The following TAFA2 variants were observed in gnomAD, a reference collection of about 807,000 sequenced individuals.
TAFA2 encodes the protein chemokine-like protein TAFA-2.
In TAFA2, 7 loss-of-function variants were observed where a neutral mutation model predicts 18.8. The ratio of observed to expected loss-of-function variants is 0.37; its 90% CI spans 0.21 to 0.70. The LOEUF is 0.70. Among genes scored for constraint, TAFA2 ranks in the 30% least tolerant of loss-of-function variants. The probability of loss-of-function intolerance (pLI) is 0.53; values close to 1 mark genes in which losing one functional copy is unlikely to be tolerated. For missense variants in TAFA2, 122 were observed against 158.1 expected (o/e 0.77, Z 1.23); for synonymous variants, 60 against 54.2 (o/e 1.11, Z -0.47).
intron 4 of TAFA2, among the ~76,000 whole-genome samples, chr12:61,752,768 C>T (rs964200763): frequency 2.6e-5 from 4 of 151,844 alleles, no homozygotes; most frequent in African/African-American, 9.7e-5. Context: ...TCTGCTATAT[C>T]AAGTAGTATT....
intron 4 of TAFA2, among the ~76,000 whole-genome samples, chr12:61,739,094 A>G (rs1473380561): frequency 2.6e-5 from 4 of 152,066 alleles, no homozygotes; most frequent in Non-Finnish European, 2.9e-5. Context: ...TGTGGCAGAT[A>G]TATTATTGTC....
At chr12:62,202,346 G>GA (rs1242785038) in intron 1 of TAFA2, among the ~76,000 whole-genome samples, 1 of 144,222 alleles carries the variant, frequency 6.9e-6, no homozygotes, top group East Asian at 2.0e-4. Flanking sequence ...GATCTTTCTA[G>GA]TTTTTTTTTT....
chr12:62,034,951 T>C (rs1284408591), intron 1 of TAFA2, among the ~76,000 whole-genome samples: 1 of 152,166 alleles, frequency 6.6e-6, no homozygotes, highest in East Asian at 1.9e-4. Context: ...CAAGAGATGG[T>C]GATTTGAAAA....
intron 1 of TAFA2, among the ~76,000 whole-genome samples, chr12:61,919,250 T>G (rs1192660442): frequency 2.0e-5 from 3 of 152,194 alleles, no homozygotes; most frequent in Admixed American, 2.0e-4. Context: ...CCAAAAGACT[T>G]GCTAATTTAG....
intron 1 of TAFA2, among the ~76,000 whole-genome samples, chr12:61,958,355 T>A (rs1443095695): frequency 6.6e-6 from 1 of 152,112 alleles, no homozygotes; most frequent in Non-Finnish European, 1.5e-5. Context: ...TATACGTATA[T>A]GCTTTTTTTA....
intron 1 of TAFA2, among the ~76,000 whole-genome samples, chr12:62,066,295 T>C (rs571085111): frequency 1.3e-5 from 2 of 151,976 alleles, no homozygotes; most frequent in Non-Finnish European, 2.9e-5. Context: ...AATCCAATTA[T>C]ACTCTTTTAG....
At chr12:61,880,181 G>C (rs757816242) in intron 1 of TAFA2, 1 of 537,748 alleles carries the variant, frequency 1.9e-6, no homozygotes, top group Non-Finnish European at 3.5e-6. Flanking sequence ...GATCAAGTAT[G>C]AGGACCTGCA....
intron 1 of TAFA2, chr12:62,258,119 G>C (rs2062949255): frequency 6.6e-6 from 1 of 152,108 alleles, no homozygotes; most frequent in Non-Finnish European, 1.5e-5. Flanking sequence ...AATAATAATA[G>C]TACCAAAATC....
chr12:62,170,725 T>A (rs2062471687), intron 1 of TAFA2, among the ~76,000 whole-genome samples: 1 of 152,188 alleles, frequency 6.6e-6, no homozygotes, highest in African/African-American at 2.4e-5. Flanking sequence ...ACCTGAATAA[T>A]GTACATTGCA....
chr12:61,981,995 G>A (rs1879651433), intron 1 of TAFA2, among the ~76,000 whole-genome samples: 1 of 152,128 alleles, frequency 6.6e-6, no homozygotes, highest in South Asian at 2.1e-4. Flanking sequence ...GCACATGTAT[G>A]TTCACTGCGG....
intron 1 of TAFA2, among the ~76,000 whole-genome samples, chr12:62,181,413 A>G (rs759156754): frequency 6.6e-6 from 1 of 152,238 alleles, no homozygotes; most frequent in Non-Finnish European, 1.5e-5. Context: ...AGTCTAACAG[A>G]TTCAGTGGAA....
intron 1 of TAFA2, among the ~76,000 whole-genome samples, chr12:61,944,601 A>G (rs1301230895): frequency 2.5e-5 from 3 of 118,990 alleles, no homozygotes; most frequent in South Asian, 3.8e-4. Context: ...AAATAGACAC[A>G]ATAAAAAATG....
At chr12:61,936,128 A>G (rs185043447) in intron 1 of TAFA2, among the ~76,000 whole-genome samples, 2 of 152,322 alleles carry the variant, frequency 1.3e-5, no homozygotes, top group Admixed American at 6.5e-5. Flanking sequence ...AAGATAATAT[A>G]CTATGATCTA....
chr12:61,943,956 A>C, intron 1 of TAFA2, among the ~76,000 whole-genome samples: 1 of 144,484 alleles, frequency 6.9e-6, no homozygotes. Context: ...AAGCGGACCT[A>C]ATAGACATCT....
chr12:61,960,623 A>G (rs1360278426), intron 1 of TAFA2, among the ~76,000 whole-genome samples: 1 of 151,966 alleles, frequency 6.6e-6, no homozygotes, highest in East Asian at 1.9e-4. Context: ...CCATATAAGC[A>G]TTGCTGTTAC....
intron 2 of TAFA2, among the ~76,000 whole-genome samples, chr12:61,848,671 T>A (rs1264132609): frequency 2.0e-5 from 3 of 151,552 alleles, no homozygotes; most frequent in African/African-American, 7.3e-5. Context: ...GAACACTGTA[T>A]CTTCAGTTAT....
intron 1 of TAFA2, among the ~76,000 whole-genome samples, chr12:62,041,050 C>T (rs554353893): frequency 1.3e-5 from 2 of 152,086 alleles, no homozygotes; most frequent in Admixed American, 6.6e-5. Context: ...CCGTTTTTAT[C>T]ATTTGTTCTC....
intron 1 of TAFA2, among the ~76,000 whole-genome samples, chr12:61,911,597 C>G (rs1439406562): frequency 6.6e-6 from 1 of 152,174 alleles, no homozygotes; most frequent in Non-Finnish European, 1.5e-5. Flanking sequence ...AAAATTCATA[C>G]TTCTCATGCA....
chr12:61,815,000 A>C (rs2121022739), intron 2 of TAFA2, among the ~76,000 whole-genome samples: 1 of 151,668 alleles, frequency 6.6e-6, no homozygotes, highest in African/African-American at 2.4e-5. Context: ...TCAGAAATGT[A>C]AGATAATTAA....
Sources: allele counts gnomAD v4.1 joint callset (sites outside exome capture counted in the v4.1 genomes callset), GRCh38; gene constraint gnomAD v4.1.1; transcripts MANE v1.5; gene names NCBI Gene and HGNC (gene_info 2026-07-23, HGNC 2026-07-21).